Variants in LRRC7 observed in about 807,000 individuals in gnomAD.
LRRC7 encodes leucine-rich repeat-containing protein 7.
A neutral mutation model predicts 175.7 loss-of-function variants in LRRC7; 23 were observed. That is an observed-to-expected ratio of 0.13 (90% CI 0.09 to 0.19). The LOEUF (loss-of-function observed/expected upper bound fraction) is 0.19, where lower values mean the gene tolerates loss of function less well. LRRC7 is among the 10% of genes least tolerant of loss of function. LRRC7 has a pLI of 1.00. For missense variants in LRRC7, 1,354 were observed against 1,904.7 expected (o/e 0.71, Z 5.38); for synonymous variants, 685 against 680.9 (o/e 1.01, Z -0.09).
At chr1:69,757,553 A>C (rs192427964) in intron 2 of LRRC7, among the ~76,000 whole-genome samples, 1 of 152,072 alleles carries the variant, frequency 6.6e-6, no homozygotes, top group Admixed American at 6.6e-5. Context: ...ACAAAAGATG[A>C]CTAGAAGAGT....
intron 4 of LRRC7, among the ~76,000 whole-genome samples, chr1:69,820,454 G>A (rs1216082596): frequency 6.6e-6 from 1 of 152,102 alleles, no homozygotes; most frequent in Non-Finnish European, 1.5e-5. Context: ...GTGCCATGGT[G>A]GTTTGCTGCA....
intron 7 of LRRC7, among the ~76,000 whole-genome samples, chr1:69,880,078 C>T (rs962488275): frequency 2.0e-5 from 3 of 152,132 alleles, no homozygotes; most frequent in Non-Finnish European, 2.9e-5. Flanking sequence ...GGGAAATGCT[C>T]CGAGACACTG....
intron 25 of LRRC7, among the ~76,000 whole-genome samples, chr1:70,090,129 G>A (rs1018307259): frequency 6.6e-6 from 1 of 152,118 alleles, no homozygotes; most frequent in Admixed American, 6.6e-5. Context: ...GTAAAGAAAG[G>A]TATATAGACA....
chr1:69,601,114 C>A (rs563524084), intron 1 of LRRC7, among the ~76,000 whole-genome samples: 1 of 152,188 alleles, frequency 6.6e-6, no homozygotes, highest in African/African-American at 2.4e-5. Flanking sequence ...CCGTGCCTCG[C>A]CCCTGGTTCT....
At chr1:70,045,767 T>C (rs558254973) in intron 22 of LRRC7, among the ~76,000 whole-genome samples, 10 of 152,150 alleles carry the variant, frequency 6.6e-5, no homozygotes, top group Admixed American at 5.9e-4. Flanking sequence ...CTCACTATCA[T>C]GGTGGAAGGC....
At chr1:69,705,895 A>G (rs753482845) in intron 2 of LRRC7, among the ~76,000 whole-genome samples, 3 of 152,306 alleles carry the variant, frequency 2.0e-5, no homozygotes, top group African/African-American at 4.8e-5. Flanking sequence ...GCTTGATAGT[A>G]TAAAGAAATG....
At chr1:69,993,358 A>G (rs1307545935) in intron 10 of LRRC7, among the ~76,000 whole-genome samples, 3 of 152,204 alleles carry the variant, frequency 2.0e-5, no homozygotes, top group South Asian at 2.1e-4. Context: ...TGAAGAATAC[A>G]TAACAGAGCA....
intron 10 of LRRC7, among the ~76,000 whole-genome samples, chr1:69,991,953 A>T (rs1458781570): frequency 6.6e-6 from 1 of 152,104 alleles, no homozygotes; most frequent in Non-Finnish European, 1.5e-5. Context: ...AATAAAGAAA[A>T]ATAAAAGAAA....
chr1:69,903,830 T>C lies in LRRC7; in HGVS notation c.648-27677T>C, dbSNP rs150511687. Among the ~76,000 whole-genome samples the C allele has an allele frequency of 7.1e-3, 1,086 of 152,230 alleles. 13 individuals are homozygous for C. The highest frequency in any genetic ancestry group is 0.025 in the African/African-American group (1,031 of 41,540). ...AAAATGATAAAGGAGAGATCACCAC[T>C]GATCCCACAGAAATACAAACTACCA... On this transcript the variant is annotated intron_variant, in intron 7 of 26. Coordinates refer to ENST00000651989, the MANE Select transcript of LRRC7 (RefSeq NM_001370785.2).
At chr1:69,931,694 A>G in intron 8 of LRRC7, 124 bp downstream of exon 8, 1 of 765,492 alleles carries the variant, frequency 1.3e-6, no homozygotes, top group Non-Finnish European at 2.2e-6. Flanking sequence ...TAAAAGTAAA[A>G]ACCTGGAAGT....
At chr1:69,886,530 T>TTCCTGAATACAGCACACTGATGGGTC (rs1557851831) in intron 7 of LRRC7, among the ~76,000 whole-genome samples, 1 of 152,048 alleles carries the variant, frequency 6.6e-6, no homozygotes. Context: ...TGAGATGGGT[T>TTCCTGAATACAGCACACTGATGGGTC]TCCTGAATAC....
chr1:70,131,829 A>G lies in LRRC7; in HGVS notation c.*9942A>G, dbSNP rs1055958682. On this transcript the variant is annotated 3_prime_UTR_variant, in exon 27 of 27. Coordinates refer to ENST00000651989, the MANE Select transcript of LRRC7 (RefSeq NM_001370785.2). ...GTCTCTTTGAACAAAAATAAATGAA[A>G]AATGAACTGGAAAAGTGAAATATTA... Among the ~76,000 whole-genome samples, 67 of 152,380 alleles carry G rather than the reference A, an allele frequency of 4.4e-4. No individual in the cohort carries two copies. The highest frequency in any genetic ancestry group is 1.5e-3 in the African/African-American group (62 of 41,594).
intron 8 of LRRC7, among the ~76,000 whole-genome samples, chr1:69,966,148 T>A (rs1225415916): frequency 1.3e-5 from 2 of 152,102 alleles, no homozygotes; most frequent in Non-Finnish European, 2.9e-5. Context: ...CAATAAAATA[T>A]CATAATTATG....
At chr1:69,991,846 T>C (rs1384641134) in intron 10 of LRRC7, among the ~76,000 whole-genome samples, 1 of 152,158 alleles carries the variant, frequency 6.6e-6, no homozygotes. Context: ...GCTGAGTCAC[T>C]TTCCCTGTGC....
chr1:69,926,660 G>A (rs950983906), intron 7 of LRRC7, among the ~76,000 whole-genome samples: 1 of 151,490 alleles, frequency 6.6e-6, no homozygotes, highest in Non-Finnish European at 1.5e-5. Flanking sequence ...CATTTGTTTG[G>A]TAGATCTTCC....
chr1:69,634,183 A>G (rs1292566967), intron 1 of LRRC7, among the ~76,000 whole-genome samples: 1 of 152,122 alleles, frequency 6.6e-6, no homozygotes, highest in Non-Finnish European at 1.5e-5. Flanking sequence ...GAGTATGAAT[A>G]TACTCATTTT....
chr1:69,701,883 G>A (rs1452423872), intron 2 of LRRC7, among the ~76,000 whole-genome samples: 3 of 152,178 alleles, frequency 2.0e-5, no homozygotes, highest in African/African-American at 4.8e-5. Flanking sequence ...CATATCACTA[G>A]TGTTATACAA....
chr1:69,787,798 GC>G (rs1406135852), intron 3 of LRRC7, among the ~76,000 whole-genome samples: 2 of 152,034 alleles, frequency 1.3e-5, no homozygotes, highest in Non-Finnish European at 2.9e-5. Flanking sequence ...TAAAAGACTT[GC>G]CCCCATGATT....
chr1:69,992,497 G>A (rs1374376542), intron 10 of LRRC7, among the ~76,000 whole-genome samples: 1 of 152,128 alleles, frequency 6.6e-6, no homozygotes, highest in African/African-American at 2.4e-5. Context: ...ATGCGATAAA[G>A]ATGTTAAATG....
Sources: allele counts gnomAD v4.1 joint callset (sites outside exome capture counted in the v4.1 genomes callset), GRCh38; gene constraint gnomAD v4.1.1; transcripts MANE v1.5; gene names NCBI Gene and HGNC (gene_info 2026-07-23, HGNC 2026-07-21).